The following P3H2 variants were observed in gnomAD, a reference collection of about 807,000 sequenced individuals.
P3H2 encodes the protein leprecan-like 1.
P3H2 carries 80 observed loss-of-function variants against 87.0 expected under a neutral mutation model. The observed-to-expected ratio is 0.92, with a 90% confidence interval of 0.77 to 1.11. P3H2 has a LOEUF of 1.11. Among genes scored for constraint, P3H2 ranks in the 50% least tolerant of loss-of-function variants. P3H2 has a pLI of 0.00. For synonymous variants in P3H2, 367 were observed against 359.3 expected (o/e 1.02, Z -0.24); for missense variants, 1,001 against 923.9 (o/e 1.08, Z -1.08).
At chr3:190,065,310 A>G (rs1035304574) in intron 1 of P3H2, among the ~76,000 whole-genome samples, 22 of 152,204 alleles carry the variant, frequency 1.4e-4, no homozygotes, top group African/African-American at 5.1e-4. Context: ...AAAACCTTCC[A>G]TGGAATCCAT....
intron 14 of P3H2, 181 bp downstream of exon 14, chr3:189,963,777 T>C (rs1577241531): frequency 1.5e-6 from 1 of 684,226 alleles, no homozygotes; most frequent in Non-Finnish European, 2.6e-6. Flanking sequence ...GACAGATTAG[T>C]GACTATCAAA....
chr3:189,994,139 A>G lies in P3H2; in HGVS notation c.778T>C (p.Tyr260His). ...CCAGCCTTATACCCTAAATACTCAT[A>G]TTCTTCAAATCTCTGAGGCCCCTCA... ...LCEGPQRFEEYEYLGYKAGLY... is the reference protein window; with the variant it reads ...LCEGPQRFEEHEYLGYKAGLY... The change falls in exon 3 of 15, where the codon TAT becomes CAT. Residue 260 changes from tyrosine to histidine, a missense_variant. Tyr to His is a moderately conservative substitution (Grantham distance 83). Transcript: ENST00000319332. 6.2e-7 allele frequency: 1 copy of G among 1,613,746 alleles called. No homozygotes were observed. Among genetic ancestry groups the G allele is most frequent in the East Asian group, 2.2e-5 (1 of 44,886 alleles).
intron 1 of P3H2, among the ~76,000 whole-genome samples, chr3:190,040,475 A>C (rs1560374688): frequency 6.6e-6 from 1 of 152,238 alleles, no homozygotes; most frequent in South Asian, 2.1e-4. Context: ...CTTTTCATAA[A>C]GACATGGAAT....
At chr3:189,999,998 T>G (rs934839893) in intron 1 of P3H2, among the ~76,000 whole-genome samples, 4 of 152,214 alleles carry the variant, frequency 2.6e-5, no homozygotes, top group Admixed American at 2.0e-4. Context: ...CTTGAACCTG[T>G]GAGTGAATGA....
chr3:190,057,717 T>G (rs1726204129), intron 1 of P3H2, among the ~76,000 whole-genome samples: 1 of 152,178 alleles, frequency 6.6e-6, no homozygotes, highest in South Asian at 2.1e-4. Flanking sequence ...TTAGACAGCT[T>G]TATATTCATC....
chr3:190,036,131 T>C (rs1460127275), intron 1 of P3H2, among the ~76,000 whole-genome samples: 1 of 152,184 alleles, frequency 6.6e-6, no homozygotes. Flanking sequence ...ACCATCTCCT[T>C]CCCACTTCTG....
intron 1 of P3H2, among the ~76,000 whole-genome samples, chr3:190,111,486 G>A (rs1331381421): frequency 6.6e-6 from 1 of 152,058 alleles, no homozygotes; most frequent in African/African-American, 2.4e-5. Flanking sequence ...ATGTGGCAGG[G>A]TGCAGCTGCA....
intron 12 of P3H2, among the ~76,000 whole-genome samples, chr3:189,971,245 TTTTG>T (rs955738995): frequency 3.9e-5 from 6 of 152,236 alleles, no homozygotes; most frequent in South Asian, 2.1e-4. Context: ...TCTAAAGGAT[TTTTG>T]TTTGTTTGTT....
intron 14 of P3H2, among the ~76,000 whole-genome samples, chr3:189,961,131 G>A (rs1194475294): frequency 3.3e-5 from 5 of 152,024 alleles, no homozygotes; most frequent in African/African-American, 1.2e-4. Context: ...AGTAGAGACG[G>A]GGTTTCGCCA....
At chr3:190,049,506 T>C (rs1033922261) in intron 1 of P3H2, among the ~76,000 whole-genome samples, 1 of 152,226 alleles carries the variant, frequency 6.6e-6, no homozygotes. Flanking sequence ...TGTTGATATG[T>C]GACAAATACA....
chr3:190,115,736 T>C (rs1336781078), intron 1 of P3H2, among the ~76,000 whole-genome samples: 1 of 152,166 alleles, frequency 6.6e-6, no homozygotes, highest in Non-Finnish European at 1.5e-5. Flanking sequence ...ACAACTAAAG[T>C]GAGAAAACCT....
intron 1 of P3H2, among the ~76,000 whole-genome samples, chr3:190,043,225 T>C (rs1219565346): frequency 6.6e-6 from 1 of 152,196 alleles, no homozygotes; most frequent in Admixed American, 6.5e-5. Context: ...TAGTAAGATC[T>C]CATATAAGGC....
At chr3:190,102,564 T>G (rs1219231390) in intron 1 of P3H2, among the ~76,000 whole-genome samples, 1 of 152,192 alleles carries the variant, frequency 6.6e-6, no homozygotes, top group East Asian at 1.9e-4. Context: ...AATCTTATAA[T>G]AAAACTCGAA....
Position 189,987,551 on chromosome 3 carries a change from GT to G in P3H2, c.1073del (p.Asp358AlafsTer11). 2 of 1,613,966 alleles carry G rather than the reference GT, an allele frequency of 1.2e-6. No homozygotes were observed. Among genetic ancestry groups the G allele is most frequent in the Non-Finnish European group, 1.7e-6 (2 of 1,179,974 alleles). ...CCTCTCTGGCCTCAATGGATGCCGG[GT>G]CAATGCTATCATCCAGCAGACTCTC... ...YYESLLDDSI[D>X]PASIEAREDL... On this transcript the variant is annotated frameshift_variant, in exon 5 of 15. Transcript: ENST00000319332. LOFTEE classifies it high-confidence loss of function.
At chr3:190,039,777 A>AT (rs1246423814) in intron 1 of P3H2, among the ~76,000 whole-genome samples, 1 of 152,130 alleles carries the variant, frequency 6.6e-6, no homozygotes, top group Non-Finnish European at 1.5e-5. Flanking sequence ...ATTCGGGTTG[A>AT]TTTTCTACTG....
Position 190,095,755 on chromosome 3 carries a change from C to G in P3H2, c.480+24497G>C, listed in dbSNP as rs559226665. Among the ~76,000 whole-genome samples, 864 of 152,116 alleles carry G rather than the reference C, an allele frequency of 5.7e-3. 10 individuals carry two copies. The highest frequency in any genetic ancestry group is 0.02 in the African/African-American group (816 of 41,518). The stretch of plus-strand genomic sequence containing the variant: ...AGCTGGGACTACAGGCGCCCGCCAC[C>G]ACGCCTGGCTAATTATTTTTGTATT... On this transcript the variant is annotated intron_variant, in intron 1 of 14. Coordinates refer to ENST00000319332, the MANE Select transcript of P3H2 (RefSeq NM_018192.4).
At chr3:190,101,447 T>C (rs760139299) in intron 1 of P3H2, among the ~76,000 whole-genome samples, 40 of 133,652 alleles carry the variant, frequency 3.0e-4, no homozygotes, top group Admixed American at 1.2e-3. Context: ...GATAAGAAAG[T>C]GAAACAGCCT....
At chr3:189,987,990 T>G (rs1723759209) in intron 4 of P3H2, among the ~76,000 whole-genome samples, 1 of 152,234 alleles carries the variant, frequency 6.6e-6, no homozygotes, top group South Asian at 2.1e-4. Flanking sequence ...TAATTCTGAT[T>G]TTTGTACCGA....
intron 1 of P3H2, among the ~76,000 whole-genome samples, chr3:190,091,899 C>T (rs1727420149): frequency 6.6e-6 from 1 of 152,178 alleles, no homozygotes. Flanking sequence ...CTAGGTTTTA[C>T]TGATGTGCAT....
Sources: allele counts gnomAD v4.1 joint callset (sites outside exome capture counted in the v4.1 genomes callset), GRCh38; gene constraint gnomAD v4.1.1; transcripts MANE v1.5; gene names NCBI Gene and HGNC (gene_info 2026-07-23, HGNC 2026-07-21).